ITPK1: variants seen among roughly 807,000 people sequenced by gnomAD.
The protein encoded by ITPK1 is inositol 1,3,4-trisphosphate 5/6-kinase.
A neutral mutation model predicts 45.3 loss-of-function variants in ITPK1; 21 were observed. The observed-to-expected ratio is 0.46, with a 90% CI of 0.33 to 0.67. The LOEUF (loss-of-function observed/expected upper bound fraction) is 0.67. Among genes scored for constraint, ITPK1 ranks in the 30% least tolerant of loss-of-function variants. The pLI, the probability that ITPK1 is intolerant of heterozygous loss-of-function variation, is 0.02. For synonymous variants in ITPK1, 258 were observed against 253.6 expected (o/e 1.02, Z -0.16); for missense variants, 474 against 573.5 (o/e 0.83, Z 1.77).
At position 92,990,946 on chromosome 14, in the gene ITPK1, C is replaced by T. The variant is rs544443964; in HGVS notation, c.364+2934G>A. ...TCCCGAAGCACCCACCCGTCCCCCA[C>T]CAGCTCTGTTTTCCCTGCAGCTGTC... is the stretch of plus-strand genomic sequence containing the variant. On this transcript the variant is annotated intron_variant, in intron 5 of 10. Transcript: ENST00000267615. 7.9e-5 allele frequency among the ~76,000 whole-genome samples: 12 copies of T among 152,286 alleles called. No homozygotes were observed. The South Asian group carries it at 2.5e-3, about 32-fold the overall frequency.
intron 4 of ITPK1, among the ~76,000 whole-genome samples, chr14:93,010,628 A>G (rs1239351572): frequency 2.6e-5 from 4 of 152,228 alleles, no homozygotes; most frequent in Non-Finnish European, 5.9e-5. Context: ...GGACACTTTC[A>G]TAATCACTGC....
At chr14:92,967,666 A>G (rs187127451) in intron 5 of ITPK1, among the ~76,000 whole-genome samples, 88 of 152,374 alleles carry the variant, frequency 5.8e-4, no homozygotes, top group South Asian at 1.2e-3. Context: ...AAGTCCATCA[A>G]CTGCAGAAGG....
intron 3 of ITPK1, among the ~76,000 whole-genome samples, chr14:93,067,172 T>A (rs1019029658): frequency 6.6e-6 from 1 of 152,202 alleles, no homozygotes; most frequent in Non-Finnish European, 1.5e-5. Flanking sequence ...TCATTCCATC[T>A]CTTTTCTTTG....
intron 4 of ITPK1, 123 bp from the exon 5 acceptor site, chr14:92,994,120 G>A: frequency 3.0e-6 from 2 of 671,940 alleles, no homozygotes; most frequent in South Asian, 3.5e-5. Flanking sequence ...TTGGTGGAGG[G>A]TGGTGCATTC....
At chr14:92,969,131 C>G (rs1396020802) in intron 5 of ITPK1, among the ~76,000 whole-genome samples, 1 of 152,094 alleles carries the variant, frequency 6.6e-6, no homozygotes, top group African/African-American at 2.4e-5. Context: ...TTCCAATAAC[C>G]ATTCACCAAC....
intron 2 of ITPK1, among the ~76,000 whole-genome samples, chr14:93,107,817 G>A (rs975850114): frequency 2.0e-5 from 3 of 152,210 alleles, no homozygotes; most frequent in Admixed American, 1.3e-4. Context: ...ACAGAAACCA[G>A]CCCATGAGGC....
rs376795507 is a variant in ITPK1, at chr14:92,971,402, G to A, written c.365-8553C>T. On this transcript the variant is annotated intron_variant, in intron 5 of 10. Coordinates refer to ENST00000267615, the MANE Select transcript of ITPK1 (RefSeq NM_014216.6). ...TACTACCCCTCCCCCACTCATCGTC[G>A]TGGTCCCACTGCCCTCACTCAGAGG... 3.3e-4 allele frequency among the ~76,000 whole-genome samples: 51 copies of A among 152,312 alleles called. No individual in the cohort carries two copies. In the South Asian group the frequency reaches 6.0e-3, roughly 18 times the overall value.
At chr14:92,964,485 G>A (rs1463753820) in intron 5 of ITPK1, among the ~76,000 whole-genome samples, 1 of 152,234 alleles carries the variant, frequency 6.6e-6, no homozygotes, top group African/African-American at 2.4e-5. Flanking sequence ...TGCTGTGAGG[G>A]CTGGCAGGCC....
chr14:92,941,067 T>G lies in ITPK1; in HGVS notation c.*494A>C. 1.7e-6 allele frequency: 2 copies of G among 1,202,460 alleles called. No homozygotes were observed. Among genetic ancestry groups the G allele is most frequent in the Middle Eastern group, 3.8e-4 (1 of 2,634 alleles). 74.5% of individuals were successfully genotyped at this position (1,202,460 alleles called of 1,614,324 possible). On this transcript the variant is annotated 3_prime_UTR_variant, in exon 11 of 11. Coordinates refer to ENST00000267615, the MANE Select transcript of ITPK1 (RefSeq NM_014216.6). ...CTAACAAAGCCTTGGTGGAGACCAGTAGGAGGAAAAACAAGGAAGGGGCAG... is the reference window on the plus strand; with the variant it reads ...CTAACAAAGCCTTGGTGGAGACCAGGAGGAGGAAAAACAAGGAAGGGGCAG...
At position 93,090,520 on chromosome 14, in the gene ITPK1, C is replaced by G. The variant is rs570282664; in HGVS notation, c.96-13901G>C. ...CTAAATGTCCAGCCCGTATCCCTGA[C>G]TGGTGTGCTAGCCACCATCCTGGAG... On this transcript the variant is annotated intron_variant, in intron 2 of 10. Transcript: ENST00000267615. Among the ~76,000 whole-genome samples the G allele has an allele frequency of 5.3e-5, 8 of 152,332 alleles. No individual in the cohort carries two copies. The South Asian group carries it at 1.7e-3, about 32-fold the overall frequency.
intron 2 of ITPK1, among the ~76,000 whole-genome samples, chr14:93,089,476 A>C (rs7140481): frequency 0.064 from 9,791 of 152,112 alleles, 1,038 homozygotes; most frequent in African/African-American, 0.22. Flanking sequence ...GGTGATGAGC[A>C]CCCCGTGACA....
chr14:92,952,910 GA>G (rs1316751611), intron 8 of ITPK1, among the ~76,000 whole-genome samples: 2 of 152,258 alleles, frequency 1.3e-5, no homozygotes, highest in African/African-American at 4.8e-5. Flanking sequence ...CCGAGTTCTG[GA>G]AAAGGCTGTC....
intron 3 of ITPK1, among the ~76,000 whole-genome samples, chr14:93,047,844 A>T (rs539181198): frequency 9.2e-5 from 14 of 152,248 alleles, no homozygotes; most frequent in Non-Finnish European, 1.9e-4. Context: ...CAGGGCTGTT[A>T]AGCCAAGGGG....
chr14:93,054,614 G>C (rs2139936162), intron 3 of ITPK1, among the ~76,000 whole-genome samples: 1 of 152,350 alleles, frequency 6.6e-6, no homozygotes, highest in African/African-American at 2.4e-5. Flanking sequence ...TGAAGAGCAA[G>C]AAAGATGCCG....
intron 5 of ITPK1, among the ~76,000 whole-genome samples, chr14:92,972,204 G>A (rs1310512336): frequency 3.9e-5 from 6 of 152,224 alleles, no homozygotes; most frequent in South Asian, 4.1e-4. Flanking sequence ...GCCTGACTCT[G>A]TACCTTCCTG....
intron 3 of ITPK1, among the ~76,000 whole-genome samples, chr14:93,027,555 AG>A (rs1888801800): frequency 2.0e-5 from 3 of 152,190 alleles, no homozygotes; most frequent in Non-Finnish European, 2.9e-5. Context: ...CCAGGGAGGC[AG>A]ACTCTGGGCT....
chr14:93,104,719 C>T (rs560955123), intron 2 of ITPK1, among the ~76,000 whole-genome samples: 1 of 152,292 alleles, frequency 6.6e-6, no homozygotes, highest in South Asian at 2.1e-4. Context: ...GCCTGACCCC[C>T]ATGGTAGGTT....
intron 4 of ITPK1, among the ~76,000 whole-genome samples, chr14:92,999,635 G>A (rs2139820418): frequency 6.6e-6 from 1 of 152,374 alleles, no homozygotes; most frequent in East Asian, 1.9e-4. Context: ...ATGGCATGAA[G>A]GGACTGCATG....
chr14:93,091,472 CTT>C (rs1287075699), intron 2 of ITPK1, among the ~76,000 whole-genome samples: 1 of 152,230 alleles, frequency 6.6e-6, no homozygotes, highest in African/African-American at 2.4e-5. Context: ...TTCATTCTCT[CTT>C]TTTAATCTTC....
Sources: gnomAD v4.1 joint callset for allele counts (sites outside exome capture counted in the v4.1 genomes callset) on GRCh38, gnomAD v4.1.1 for gene constraint, MANE v1.5 for transcripts, NCBI Gene and HGNC (gene_info 2026-07-23, HGNC 2026-07-21) for gene names.